Variants in IPO7 observed in about 807,000 individuals in gnomAD.
IPO7 encodes importin-7.
IPO7 carries 13 observed loss-of-function variants against 136.4 expected under a neutral mutation model. That is an observed-to-expected ratio of 0.10 (90% CI 0.06 to 0.15). IPO7 has a LOEUF of 0.15. Among genes scored for constraint, IPO7 ranks in the 10% least tolerant of loss-of-function variants. The pLI is 1.00. For missense variants in IPO7, 857 were observed against 1,240.6 expected (o/e 0.69, Z 4.65); for synonymous variants, 403 against 404.4 (o/e 1.00, Z 0.04).
intron 5 of IPO7, among the ~76,000 whole-genome samples, chr11:9,415,084 G>A (rs2133742550): frequency 6.6e-6 from 1 of 152,094 alleles, no homozygotes; most frequent in South Asian, 2.1e-4. Flanking sequence ...TTGGGAGGCT[G>A]TGGTGGGCGC....
chr11:9,400,426 A>ATT (rs112285427), intron 1 of IPO7, among the ~76,000 whole-genome samples: 69 of 146,648 alleles, frequency 4.7e-4, no homozygotes, highest in African/African-American at 1.6e-3. Flanking sequence ...TAAATAAGTA[A>ATT]TTTTTTTTTT....
intron 6 of IPO7, among the ~76,000 whole-genome samples, chr11:9,418,617 G>T (rs559886569): frequency 5.9e-5 from 9 of 152,198 alleles, no homozygotes; most frequent in African/African-American, 2.2e-4. Context: ...AACTAGTTTG[G>T]TGTATATTTT....
intron 15 of IPO7, chr11:9,430,629 G>A (rs987605485): frequency 1.2e-5 from 5 of 431,456 alleles, no homozygotes; most frequent in Admixed American, 3.9e-5. Context: ...TCCTCGTACG[G>A]TGTCTATGAA....
chr11:9,409,667 C>T (rs940716947), intron 3 of IPO7, among the ~76,000 whole-genome samples: 2 of 152,164 alleles, frequency 1.3e-5, no homozygotes, highest in South Asian at 2.1e-4. Context: ...TGTGAGCCAC[C>T]GCACCCAGCC....
At chr11:9,386,206 G>A (rs557741533) in intron 1 of IPO7, among the ~76,000 whole-genome samples, 1 of 152,274 alleles carries the variant, frequency 6.6e-6, no homozygotes, top group East Asian at 1.9e-4. Context: ...ATTTCAGAAT[G>A]TTAAATCTAT....
At position 9,430,880 on chromosome 11, in the gene IPO7, G is replaced by A; in HGVS notation, c.1758G>A (p.Met586Ile). The change falls in exon 16 of 25, where the codon ATG becomes ATA. Residue 586 changes from methionine (M) to isoleucine (I), a missense_variant. Coordinates refer to ENST00000379719, the MANE Select transcript of IPO7 (RefSeq NM_006391.3). ...TTATATTCTCTTGAATCTAGGCAAT[G>A]ACATTTAACCAAGTAATCCAGACGG... is the stretch of plus-strand genomic sequence containing the variant. The part of the protein sequence containing the change: ...IAVEMTQHLA[M>I]TFNQVIQTGP... The A allele has an allele frequency of 6.2e-7, 1 of 1,611,576 alleles. No individual in the cohort carries two copies. The highest frequency in any genetic ancestry group is 2.2e-5 in the East Asian group (1 of 44,838).
intron 4 of IPO7, among the ~76,000 whole-genome samples, chr11:9,411,747 A>G (rs958555954): frequency 1.3e-5 from 2 of 152,180 alleles, no homozygotes; most frequent in Non-Finnish European, 2.9e-5. Flanking sequence ...GAATTTTATT[A>G]GTGTCATATT....
intron 1 of IPO7, among the ~76,000 whole-genome samples, chr11:9,397,332 T>TAAAA (rs757736784): frequency 0.012 from 147 of 12,096 alleles, 28 homozygotes; most frequent in South Asian, 0.034. Context: ...TAAAAATAAT[T>TAAAA]TAAAAAAAAA....
intron 1 of IPO7, among the ~76,000 whole-genome samples, chr11:9,392,888 G>A (rs372657807): frequency 4.8e-5 from 7 of 145,778 alleles, no homozygotes; most frequent in Non-Finnish European, 7.4e-5. Flanking sequence ...GGCAGTGGCT[G>A]AAGTGAGCCA....
intron 8 of IPO7, among the ~76,000 whole-genome samples, chr11:9,421,781 A>G (rs1363607915): frequency 6.6e-6 from 1 of 151,328 alleles, no homozygotes; most frequent in African/African-American, 2.4e-5. Context: ...CATTTCTACT[A>G]AAAATTCAAA....
At position 9,384,850 on chromosome 11, in the gene IPO7, A is replaced by G. The variant is rs771093542; in HGVS notation, c.84+3A>G. 17 of 1,593,190 alleles carry G rather than the reference A, an allele frequency of 1.1e-5. No individual in the cohort carries two copies. Among genetic ancestry groups the G allele is most frequent in the South Asian group, 4.5e-5 (4 of 88,100 alleles). On this transcript the variant is annotated splice_donor_region_variant and intron_variant, in intron 1 of 24. Coordinates refer to ENST00000379719, the MANE Select transcript of IPO7 (RefSeq NM_006391.3). Reference sequence around the variant, plus strand: ...CCGCGGAGCGCCAGCTCAATGAAGTAAGGACGCCCGGCTAGCGGTGGCGGC... The same window carrying G: ...CCGCGGAGCGCCAGCTCAATGAAGTGAGGACGCCCGGCTAGCGGTGGCGGC...
In IPO7 at chr11:9,384,662, C is replaced by G. The variant is rs1036323967; in HGVS notation, c.-102C>G. The G allele has an allele frequency of 1.3e-5, 13 of 965,516 alleles. No homozygotes were observed. Among genetic ancestry groups the G allele is most frequent in the Admixed American group, 1.1e-4 (4 of 37,502 alleles). The allele number at this position is 965,516 out of a possible 1,614,324, so 59.8% of individuals were successfully genotyped here. On this transcript the variant is annotated 5_prime_UTR_variant, in exon 1 of 25. Coordinates refer to ENST00000379719, the MANE Select transcript of IPO7 (RefSeq NM_006391.3). ...TTGGCGCTTCTCTTTCCTTTCGCGCCGGTTGCCGCTGCGGAGCGCGGCGGG... is the reference window on the plus strand; with the variant it reads ...TTGGCGCTTCTCTTTCCTTTCGCGCGGGTTGCCGCTGCGGAGCGCGGCGGG...
intron 24 of IPO7, among the ~76,000 whole-genome samples, chr11:9,443,165 T>C (rs1036656787): frequency 1.3e-5 from 2 of 151,856 alleles, no homozygotes; most frequent in African/African-American, 4.8e-5. Flanking sequence ...ATCACGCCAT[T>C]GCACTGCAGC....
intron 4 of IPO7, among the ~76,000 whole-genome samples, chr11:9,414,007 G>A (rs561139286): frequency 6.6e-6 from 1 of 151,848 alleles, no homozygotes; most frequent in Admixed American, 6.6e-5. Context: ...AACTACAAAA[G>A]TGAGGATACT....
intron 22 of IPO7, among the ~76,000 whole-genome samples, chr11:9,439,497 A>G (rs1424469544): frequency 1.3e-5 from 2 of 152,162 alleles, no homozygotes; most frequent in South Asian, 2.1e-4. Context: ...GGCAGATGGC[A>G]CTGAATTAAC....
intron 12 of IPO7, among the ~76,000 whole-genome samples, chr11:9,426,914 C>CG (rs745594814): frequency 2.0e-5 from 3 of 151,458 alleles, no homozygotes; most frequent in Non-Finnish European, 4.4e-5. Context: ...TCCCCGCCCC[C>CG]CCGCCATATG....
At chr11:9,436,868 A>ATTTTTTT (rs869227367) in intron 20 of IPO7, among the ~76,000 whole-genome samples, 1 of 18,228 alleles carries the variant, frequency 5.5e-5, no homozygotes, top group African/African-American at 2.2e-4. Context: ...ATATATATAT[A>ATTTTTTT]TTTTTTTTTT....
At chr11:9,443,203 C>CA (rs1450838891) in intron 24 of IPO7, among the ~76,000 whole-genome samples, 6 of 150,772 alleles carry the variant, frequency 4.0e-5, no homozygotes, top group Admixed American at 6.6e-5. Context: ...AAGTCTGTCT[C>CA]AAAAAAACAA....
At chr11:9,420,964 A>G (rs1223270739) in intron 8 of IPO7, among the ~76,000 whole-genome samples, 2 of 152,136 alleles carry the variant, frequency 1.3e-5, no homozygotes, top group Non-Finnish European at 2.9e-5. Flanking sequence ...CAGGCCTATT[A>G]TATGTTAAGA....
Sources: allele counts gnomAD v4.1 joint callset (sites outside exome capture counted in the v4.1 genomes callset), GRCh38; gene constraint gnomAD v4.1.1; transcripts MANE v1.5; gene names NCBI Gene and HGNC (gene_info 2026-07-23, HGNC 2026-07-21).